The following DLGAP2 variants were observed in gnomAD, a reference collection of about 807,000 sequenced individuals.
DLGAP2 encodes the protein disks large-associated protein 2.
In DLGAP2, 26 loss-of-function variants were observed where a neutral mutation model predicts 100.3. The ratio of observed to expected loss-of-function variants is 0.26; its 90% confidence interval spans 0.19 to 0.36. DLGAP2 has a LOEUF of 0.36. Ranked by LOEUF, DLGAP2 falls within the 10% of genes least tolerant of loss-of-function variation. The probability of loss-of-function intolerance (pLI) is 1.00; values close to 1 mark genes in which losing one functional copy is unlikely to be tolerated. For missense variants in DLGAP2, 1,858 were observed against 1,453.2 expected, an observed-to-expected ratio of 1.28 and a Z score of -4.53; for synonymous variants, 886 against 630.1, an observed-to-expected ratio of 1.41 and a Z score of -6.08.
At chr8:1,076,945 G>C (rs1487027464) in intron 2 of DLGAP2, among the ~76,000 whole-genome samples, 2 of 117,568 alleles carry the variant, frequency 1.7e-5, no homozygotes, top group East Asian at 5.3e-4. Context: ...TCTGTCCCGG[G>C]CCCCCCAAGA....
At chr8:1,504,616 T>C (rs1381605546) in intron 4 of DLGAP2, among the ~76,000 whole-genome samples, 1 of 152,220 alleles carries the variant, frequency 6.6e-6, no homozygotes, top group Admixed American at 6.5e-5. Context: ...GCTTTCAGAT[T>C]CCACGTGTAA....
At chr8:971,754 A>G (rs1800020608) in intron 2 of DLGAP2, among the ~76,000 whole-genome samples, 2 of 152,258 alleles carry the variant, frequency 1.3e-5, no homozygotes, top group South Asian at 4.1e-4. Context: ...CTCAATAGAA[A>G]TCTGTTTTTC....
At chr8:1,503,918 C>G (rs576355310) in intron 4 of DLGAP2, among the ~76,000 whole-genome samples, 2 of 152,264 alleles carry the variant, frequency 1.3e-5, no homozygotes, top group African/African-American at 4.8e-5. Flanking sequence ...GGAGGAACTG[C>G]TGTAGCCATC....
rs79195737 is a variant in DLGAP2, at chr8:1,124,381, C to T, written c.74-134470C>T. ...CTCTCAGGGACCTCAGAGCTGAGTC[C>T]AGGGCCCAGAACGTTGCTGCCAAGG... On this transcript the variant is annotated intron_variant, in intron 2 of 14. Coordinates refer to ENST00000637795, the MANE Select transcript of DLGAP2 (RefSeq NM_001346810.2). 3.6e-3 allele frequency among the ~76,000 whole-genome samples: 546 copies of T among 152,264 alleles called. 2 individuals carry two copies. Among genetic ancestry groups the T allele is most frequent in the African/African-American group, 0.012 (512 of 41,550 alleles).
At chr8:1,443,501 G>A (rs1159763930) in intron 3 of DLGAP2, among the ~76,000 whole-genome samples, 5 of 152,172 alleles carry the variant, frequency 3.3e-5, no homozygotes, top group East Asian at 1.9e-4. Flanking sequence ...GAGGGGTGGC[G>A]TGGTGTATTC....
rs377468058 is a variant in DLGAP2 at position 1,697,156 on chromosome 8, G to A, written c.2806G>A (p.Ala936Thr). Residue 936 changes from alanine to threonine, a missense_variant, in exon 14 of 15, where the codon GCC becomes ACC. Ala to Thr is a moderately conservative substitution (Grantham distance 58). Coordinates refer to ENST00000637795, the MANE Select transcript of DLGAP2 (RefSeq NM_001346810.2). Reference sequence around the variant, plus strand: ...CTGTGTGTGTCCCCAGGACCCCAGCGCCATGCCGAGGCCGACGTCGCAGGA... The same window carrying A: ...CTGTGTGTGTCCCCAGGACCCCAGCACCATGCCGAGGCCGACGTCGCAGGA... Reference protein sequence around the residue: ...WLCQQNMDPSAMPRPTSQDLA... With the variant: ...WLCQQNMDPSTMPRPTSQDLA... 1.8e-5 allele frequency: 28 copies of A among 1,588,080 alleles called. No individual in the cohort carries two copies. Among genetic ancestry groups the A allele is most frequent in the African/African-American group, 8.1e-5 (6 of 74,418 alleles).
chr8:1,608,821 G>A (rs1027223932), intron 6 of DLGAP2, among the ~76,000 whole-genome samples: 57 of 150,984 alleles, frequency 3.8e-4, no homozygotes, highest in Admixed American at 5.3e-4. Flanking sequence ...GAAATGAAGC[G>A]AGAAGGGAAG....
chr8:1,162,783 A>G lies in DLGAP2; in HGVS notation c.74-96068A>G, dbSNP rs373960585. Among the ~76,000 whole-genome samples, 29 of 152,292 alleles carry G rather than the reference A, an allele frequency of 1.9e-4. No homozygotes were observed. The South Asian group carries it at 4.8e-3, about 25-fold the overall frequency. On this transcript the variant is annotated intron_variant, in intron 2 of 14. Coordinates refer to ENST00000637795, the MANE Select transcript of DLGAP2 (RefSeq NM_001346810.2). ...TGTCTGTACTGTGTCTGTTGTCTGT[A>G]CGGCGCTGTGGCCGCCAAACGGCCC...
intron 3 of DLGAP2, among the ~76,000 whole-genome samples, chr8:1,468,440 A>G (rs986927752): frequency 1.6e-4 from 23 of 147,174 alleles, no homozygotes; most frequent in African/African-American, 5.9e-4. Flanking sequence ...CCCAACAGCC[A>G]TGGTTTCTTC....
intron 3 of DLGAP2, among the ~76,000 whole-genome samples, chr8:1,326,301 A>G (rs1019708087): frequency 1.3e-5 from 2 of 152,234 alleles, no homozygotes; most frequent in Non-Finnish European, 2.9e-5. Flanking sequence ...ACTATTGCAC[A>G]TATATTTTGT....
At chr8:790,743 T>G (rs1013622100) in intron 1 of DLGAP2, among the ~76,000 whole-genome samples, 4 of 152,190 alleles carry the variant, frequency 2.6e-5, no homozygotes, top group Admixed American at 1.3e-4. Context: ...GTGAAAAGAT[T>G]TTTTTTGTGT....
intron 3 of DLGAP2, among the ~76,000 whole-genome samples, chr8:1,271,418 T>A (rs926997589): frequency 6.6e-6 from 1 of 152,188 alleles, no homozygotes; most frequent in Admixed American, 6.5e-5. Flanking sequence ...TCTGGAGACT[T>A]GACTTTATGA....
Position 1,116,199 on chromosome 8 carries a change from G to A in DLGAP2, c.74-142652G>A, listed in dbSNP as rs552829892. 9.8e-5 allele frequency among the ~76,000 whole-genome samples: 15 copies of A among 152,310 alleles called. No homozygotes were observed. In the South Asian group the frequency reaches 1.7e-3, roughly 17 times the overall value. ...CTGGGGACACCCGCACTGGCCTTCC[G>A]TGTGAGAAGGGAGCAGGCCCTCCCC... On this transcript the variant is annotated intron_variant, in intron 2 of 14. Coordinates refer to ENST00000637795, the MANE Select transcript of DLGAP2 (RefSeq NM_001346810.2).
intron 2 of DLGAP2, among the ~76,000 whole-genome samples, chr8:1,186,198 A>G (rs531897825): frequency 2.0e-5 from 3 of 152,318 alleles, no homozygotes; most frequent in Non-Finnish European, 4.4e-5. Flanking sequence ...GGTCGGTGGC[A>G]CCGAGGGCAG....
intron 2 of DLGAP2, among the ~76,000 whole-genome samples, chr8:1,251,712 T>C (rs1215571744): frequency 6.6e-6 from 1 of 152,260 alleles, no homozygotes; most frequent in Non-Finnish European, 1.5e-5. Context: ...CATCATGTCA[T>C]ACAGCCATGT....
At chr8:824,704 G>A (rs1310111696) in intron 1 of DLGAP2, among the ~76,000 whole-genome samples, 1 of 152,110 alleles carries the variant, frequency 6.6e-6, no homozygotes, top group African/African-American at 2.4e-5. Context: ...TGTCTGGTAA[G>A]TGTGGTAGTG....
chr8:1,649,614 A>G (rs372688316), intron 8 of DLGAP2, among the ~76,000 whole-genome samples: 41 of 152,352 alleles, frequency 2.7e-4, no homozygotes, highest in African/African-American at 9.6e-4. Context: ...TTCCAATGAC[A>G]TAGAAGGTGG....
At chr8:1,168,330 C>T (rs201723442) in intron 2 of DLGAP2, among the ~76,000 whole-genome samples, 12 of 151,472 alleles carry the variant, frequency 7.9e-5, no homozygotes, top group South Asian at 2.1e-4. Flanking sequence ...TGAATAGTGC[C>T]GCAATAAACA....
intron 2 of DLGAP2, among the ~76,000 whole-genome samples, chr8:1,107,072 C>T (rs1315699435): frequency 6.6e-6 from 1 of 152,168 alleles, no homozygotes; most frequent in African/African-American, 2.4e-5. Flanking sequence ...CCCATTCTAA[C>T]AAAATGTGAC....
Sources: allele counts gnomAD v4.1 joint callset (sites outside exome capture counted in the v4.1 genomes callset), GRCh38; gene constraint gnomAD v4.1.1; transcripts MANE v1.5; gene names NCBI Gene and HGNC (gene_info 2026-07-23, HGNC 2026-07-21).